The following RAD51 variants were observed in gnomAD, a reference collection of about 807,000 sequenced individuals.
RAD51 encodes RAD51 recombinase, also known as DNA repair protein RAD51 homolog 1.
Under a neutral mutation model 41.5 loss-of-function variants are expected in RAD51, and 14 were observed. The ratio of observed to expected loss-of-function variants is 0.34; its 90% CI spans 0.22 to 0.53. The LOEUF (loss-of-function observed/expected upper bound fraction) is 0.53. RAD51 is among the 20% of genes least tolerant of loss of function. The pLI is 0.95. For missense variants in RAD51, 234 were observed against 422.0 expected, an observed-to-expected ratio of 0.55 and a Z score of 3.90; for synonymous variants, 136 against 148.6, an observed-to-expected ratio of 0.92 and a Z score of 0.62.
chr15:40,728,209 G>C (rs866165312), intron 6 of RAD51, among the ~76,000 whole-genome samples: 7 of 152,150 alleles, frequency 4.6e-5, no homozygotes, highest in South Asian at 2.1e-4. Context: ...CACGCCTGTA[G>C]TCCCAGTATT....
At chr15:40,709,268 A>G in intron 5 of RAD51, 152 bp downstream of exon 5, 2 of 681,104 alleles carry the variant, frequency 2.9e-6, no homozygotes, top group East Asian at 2.7e-5. Flanking sequence ...TCCTACTTCA[A>G]AATCCTTCCA....
intron 6 of RAD51, among the ~76,000 whole-genome samples, chr15:40,727,961 G>A (rs545660568): frequency 8.6e-5 from 13 of 150,480 alleles, no homozygotes; most frequent in Admixed American, 8.1e-4. Flanking sequence ...CCGGGTTCAA[G>A]CGATTCTTCT....
chr15:40,729,670 T>G (rs1896772338), intron 8 of RAD51, 36 bp downstream of exon 8: 1 of 1,612,928 alleles, frequency 6.2e-7, no homozygotes, highest in South Asian at 1.1e-5. Context: ...ATGCCTACTT[T>G]CAGTGGCTGT....
At chr15:40,715,156 G>A (rs569792509) in intron 5 of RAD51, among the ~76,000 whole-genome samples, 2 of 152,284 alleles carry the variant, frequency 1.3e-5, no homozygotes, top group Admixed American at 1.3e-4. Context: ...AGGAGTTCAA[G>A]AACAGCCTGG....
chr15:40,721,080 G>A (rs920032379), intron 6 of RAD51, among the ~76,000 whole-genome samples: 3 of 152,218 alleles, frequency 2.0e-5, no homozygotes, highest in African/African-American at 7.2e-5. Context: ...CTACTTGGGA[G>A]GGTAAGGAAG....
chr15:40,722,768 C>CT (rs1896345848), intron 6 of RAD51, among the ~76,000 whole-genome samples: 2 of 152,086 alleles, frequency 1.3e-5, no homozygotes, highest in Non-Finnish European at 2.9e-5. Flanking sequence ...GGGAGAAAAT[C>CT]TTAGTGACCT....
chr15:40,730,520 C>CTTTTTTTTTTTTTCTTTTTT (rs1555429746), intron 9 of RAD51, among the ~76,000 whole-genome samples: 3 of 113,074 alleles, frequency 2.7e-5, no homozygotes, highest in Non-Finnish European at 5.1e-5. Context: ...AATTTTTTTT[C>CTTTTTTTTTTTTTCTTTTTT]TTTTTTTTTT....
chr15:40,696,075 AC>A (rs1894607726), intron 1 of RAD51, among the ~76,000 whole-genome samples: 2 of 151,750 alleles, frequency 1.3e-5, no homozygotes, highest in South Asian at 4.2e-4. Context: ...ACGGGGTTTC[AC>A]CATGTTGGTC....
intron 3 of RAD51, among the ~76,000 whole-genome samples, chr15:40,702,193 A>G (rs1176577173): frequency 2.0e-5 from 3 of 152,220 alleles, no homozygotes; most frequent in Admixed American, 6.6e-5. Flanking sequence ...TTAATTGGAA[A>G]TAAGGGTTCT....
upstream of RAD51, chr15:40,695,033 C>G (rs1280250000): frequency 6.6e-6 from 1 of 152,280 alleles, no homozygotes; most frequent in Non-Finnish European, 1.5e-5. Context: ...AGAGGGCAGT[C>G]TGTAAACTCG....
At chr15:40,704,665 T>TA (rs1895220802) in intron 3 of RAD51, among the ~76,000 whole-genome samples, 2 of 119,634 alleles carry the variant, frequency 1.7e-5, no homozygotes, top group South Asian at 6.6e-4. Flanking sequence ...AGCCATGCCC[T>TA]ACTAATTTTT....
At chr15:40,729,010 C>G (rs1368887930) in intron 7 of RAD51, among the ~76,000 whole-genome samples, 186 bp downstream of exon 7, 1 of 152,166 alleles carries the variant, frequency 6.6e-6, no homozygotes, top group Non-Finnish European at 1.5e-5. Context: ...CCATAATCTA[C>G]TTGAACTTGC....
intron 2 of RAD51, among the ~76,000 whole-genome samples, chr15:40,700,369 T>C (rs2141817576): frequency 6.6e-6 from 1 of 152,374 alleles, no homozygotes; most frequent in East Asian, 1.9e-4. Flanking sequence ...TGGTCATTGT[T>C]CAACAAAAAG....
intron 1 of RAD51, among the ~76,000 whole-genome samples, chr15:40,697,581 T>C (rs1894724169): frequency 7.1e-6 from 1 of 141,086 alleles, no homozygotes; most frequent in Non-Finnish European, 1.5e-5. Flanking sequence ...TTTCTTTTTT[T>C]TTTTTTTTTT....
intron 6 of RAD51, among the ~76,000 whole-genome samples, chr15:40,721,591 A>C (rs1415467797): frequency 6.6e-6 from 1 of 152,022 alleles, no homozygotes; most frequent in East Asian, 1.9e-4. Flanking sequence ...GATCATCCCT[A>C]CTCAGCCTCC....
At chr15:40,724,670 A>ATTTGTTT (rs757564729) in intron 6 of RAD51, among the ~76,000 whole-genome samples, 19 of 72,038 alleles carry the variant, frequency 2.6e-4, no homozygotes, top group Non-Finnish European at 4.0e-4. Flanking sequence ...TAATTTTTTT[A>ATTTGTTT]TTTCTTTTTT....
intron 5 of RAD51, among the ~76,000 whole-genome samples, chr15:40,717,170 T>G (rs2141854213): frequency 6.6e-6 from 1 of 151,916 alleles, no homozygotes; most frequent in South Asian, 2.1e-4. Context: ...AAACCCCATT[T>G]TTACTAAAAA....
In RAD51 at chr15:40,731,642, G is replaced by T; in HGVS notation, c.*464G>T. ...TTTCTGTCAGTAAAACTCTCAAGCA[G>T]GTTTTTAAGTTGTCTGTCTGAATGA... On this transcript the variant is annotated 3_prime_UTR_variant, in exon 10 of 10. Transcript: ENST00000267868. 4.1e-6 allele frequency: 1 copy of T among 246,274 alleles called. No homozygotes were observed. Among genetic ancestry groups the T allele is most frequent in the Non-Finnish European group, 8.0e-6 (1 of 124,484 alleles). 15.3% of individuals were successfully genotyped at this position (246,274 alleles called of 1,614,324 possible).
chr15:40,718,928 T>C (rs1203191369), intron 6 of RAD51, 29 bp downstream of exon 6: 1 of 1,544,120 alleles, frequency 6.5e-7, no homozygotes, highest in Non-Finnish European at 9.0e-7. Flanking sequence ...TAAGAGAGAC[T>C]ATGGCTACAC....
Sources: allele counts gnomAD v4.1 joint callset (sites outside exome capture counted in the v4.1 genomes callset), GRCh38; gene constraint gnomAD v4.1.1; transcripts MANE v1.5; gene names NCBI Gene and HGNC (gene_info 2026-07-23, HGNC 2026-07-21).